The following SLIT1 variants were observed in gnomAD, a reference collection of about 807,000 sequenced individuals.
The protein encoded by SLIT1 is slit homolog 1 protein.
SLIT1 carries 66 observed loss-of-function variants against 186.1 expected under a neutral mutation model. The observed-to-expected ratio is 0.35, with a 90% CI of 0.29 to 0.44. The LOEUF (loss-of-function observed/expected upper bound fraction) is 0.44. Among genes scored for constraint, SLIT1 ranks in the 20% least tolerant of loss-of-function variants. The pLI is 1.00. For missense variants in SLIT1, 1,638 were observed against 2,037.4 expected, an observed-to-expected ratio of 0.80 and a Z score of 3.77; for synonymous variants, 761 against 833.8, an observed-to-expected ratio of 0.91 and a Z score of 1.50.
intron 28 of SLIT1, among the ~76,000 whole-genome samples, chr10:97,017,166 C>T (rs551174738): frequency 6.6e-5 from 10 of 152,332 alleles, no homozygotes; most frequent in African/African-American, 1.9e-4. Context: ...GTCCTTTCAG[C>T]CCCCAGCTGG....
chr10:97,138,504 G>A (rs1322399585), intron 4 of SLIT1, among the ~76,000 whole-genome samples: 3 of 152,240 alleles, frequency 2.0e-5, no homozygotes, highest in Admixed American at 6.5e-5. Flanking sequence ...CTCATGCCAT[G>A]TCCAGCTGGC....
intron 3 of SLIT1, among the ~76,000 whole-genome samples, chr10:97,162,358 C>T (rs1413286934): frequency 6.6e-6 from 1 of 152,130 alleles, no homozygotes; most frequent in Non-Finnish European, 1.5e-5. Flanking sequence ...GCCTGTAATC[C>T]TAGCACTTTA....
Position 97,048,938 on chromosome 10 carries a change from G to T in SLIT1, c.1465+17C>A. 1 of 1,602,334 alleles carries T rather than the reference G, an allele frequency of 6.2e-7. No individual in the cohort carries two copies. The highest frequency in any genetic ancestry group is 8.5e-7 in the Non-Finnish European group (1 of 1,179,440). On this transcript the variant is annotated intron_variant, in intron 14 of 36. Transcript: ENST00000266058. Reference sequence around the variant, plus strand: ...AGGTAGGTGGACAGGTGGGCAGGTGGGCAGGCGGGCAGGTACCTGAGCACC... The same window carrying T: ...AGGTAGGTGGACAGGTGGGCAGGTGTGCAGGCGGGCAGGTACCTGAGCACC...
In SLIT1 at chr10:97,064,015, G is replaced by C. The variant is rs193267899; in HGVS notation, c.629+153C>G. ...ACCGTATAACTCCTTCCGCCTCCGAGAGCATGAAGCCCCCAGCCTGGGCTG... is the reference window on the plus strand; with the variant it reads ...ACCGTATAACTCCTTCCGCCTCCGACAGCATGAAGCCCCCAGCCTGGGCTG... On this transcript the variant is annotated intron_variant, in intron 7 of 36. Coordinates refer to ENST00000266058, the MANE Select transcript of SLIT1 (RefSeq NM_003061.3). Among the ~76,000 whole-genome samples, 578 of 152,198 alleles carry C rather than the reference G, an allele frequency of 3.8e-3. 6 individuals carry two copies. The highest frequency in any genetic ancestry group is 0.013 in the African/African-American group (534 of 41,524).
At chr10:97,125,983 A>T (rs1178038950) in intron 4 of SLIT1, among the ~76,000 whole-genome samples, 4 of 152,190 alleles carry the variant, frequency 2.6e-5, no homozygotes, top group African/African-American at 9.7e-5. Context: ...TTCTGAAGAA[A>T]GAGAGAGAGA....
rs1564692765 is a variant in SLIT1 at position 97,166,573 on chromosome 10, A to AGAG, written c.198-1684_198-1683insCTC. Among the ~76,000 whole-genome samples the AGAG allele has an allele frequency of 6.6e-3, 297 of 44,990 alleles. 1 individual carries two copies. Among genetic ancestry groups the AGAG allele is most frequent in the Admixed American group, 0.011 (39 of 3,428 alleles). 29.5% of individuals were successfully genotyped at this position (44,990 alleles called of 152,430 possible). A position where few individuals can be genotyped will look rare whatever the true frequency, so the allele number is the denominator to read the frequency against. On this transcript the variant is annotated intron_variant, in intron 1 of 36. Transcript: ENST00000266058. ...AAGGAAGGAAAGAGAGAGAGAGAGA[A>AGAG]AGAAAGAAAGAAAGAAAGAAAGAAA...
chr10:97,016,352 T>G (rs772619139), intron 28 of SLIT1, among the ~76,000 whole-genome samples: 6 of 152,166 alleles, frequency 3.9e-5, no homozygotes, highest in Non-Finnish European at 8.8e-5. Flanking sequence ...TAGATTGCAT[T>G]GGAGAATGAT....
At chr10:97,156,456 T>C (rs1314035668) in intron 4 of SLIT1, among the ~76,000 whole-genome samples, 1 of 152,150 alleles carries the variant, frequency 6.6e-6, no homozygotes, top group African/African-American at 2.4e-5. Context: ...TGCATACCTG[T>C]AGTCCCAGCT....
At chr10:97,054,189 C>G (rs1342524939) in intron 13 of SLIT1, among the ~76,000 whole-genome samples, 1 of 151,474 alleles carries the variant, frequency 6.6e-6, no homozygotes, top group African/African-American at 2.4e-5. Context: ...TTGGTGCTGC[C>G]CTTGTGATAA....
At chr10:97,131,592 G>A (rs1849655024) in intron 4 of SLIT1, among the ~76,000 whole-genome samples, 1 of 152,214 alleles carries the variant, frequency 6.6e-6, no homozygotes, top group Admixed American at 6.5e-5. Context: ...ACCCTCTGGA[G>A]GCTGTGAGGT....
At position 97,163,383 on chromosome 10, in the gene SLIT1, C is replaced by A. The variant is rs779425985; in HGVS notation, c.338G>T (p.Arg113Leu). The A allele has an allele frequency of 6.2e-7, 1 of 1,613,912 alleles. No individual in the cohort carries two copies. The highest frequency in any genetic ancestry group is 1.3e-5 in the African/African-American group (1 of 74,926). ...CCTGCACCCTGCCAGGACTCACAGC[C>A]GCTCCAGCTCCTTCATGTCATCAAA... Reference protein sequence around the residue: ...GAFDDMKELERLRLNRNQLHM... With the variant: ...GAFDDMKELELLRLNRNQLHM... The change falls in exon 3 of 37, where the codon CGG becomes CTG. Residue 113 changes from arginine (R) to leucine (L), a missense_variant. Arg to Leu is a moderately radical substitution (Grantham distance 102). Transcript: ENST00000266058.
chr10:97,156,211 C>T (rs1361306911), intron 4 of SLIT1, among the ~76,000 whole-genome samples: 1 of 152,088 alleles, frequency 6.6e-6, no homozygotes, highest in African/African-American at 2.4e-5. Context: ...GGTCTCCAGG[C>T]CAGGAGGAGG....
At chr10:97,118,817 T>G (rs1849532284) in intron 4 of SLIT1, among the ~76,000 whole-genome samples, 1 of 152,236 alleles carries the variant, frequency 6.6e-6, no homozygotes, top group Non-Finnish European at 1.5e-5. Context: ...CTTATAGGAT[T>G]GCTGTGGGGA....
chr10:97,132,447 A>G (rs961280990), intron 4 of SLIT1, among the ~76,000 whole-genome samples: 6 of 152,144 alleles, frequency 3.9e-5, no homozygotes, highest in African/African-American at 1.2e-4. Flanking sequence ...CCACCTTCAG[A>G]ACTGCCCCCA....
At chr10:97,075,582 C>T (rs1458696859) in intron 4 of SLIT1, among the ~76,000 whole-genome samples, 2 of 152,304 alleles carry the variant, frequency 1.3e-5, no homozygotes, top group East Asian at 3.9e-4. Flanking sequence ...ACACACTCAG[C>T]GTGCCCACTG....
At chr10:97,159,596 G>A (rs926386970) in intron 3 of SLIT1, among the ~76,000 whole-genome samples, 2 of 152,126 alleles carry the variant, frequency 1.3e-5, no homozygotes, top group African/African-American at 4.8e-5. Context: ...AGTTTAAAAT[G>A]GAAAATTAAA....
intron 4 of SLIT1, among the ~76,000 whole-genome samples, chr10:97,098,942 GC>G (rs1849320971): frequency 6.6e-6 from 1 of 152,106 alleles, no homozygotes; most frequent in African/African-American, 2.4e-5. Flanking sequence ...AGGACACTCA[GC>G]CCCTCCTGTC....
intron 4 of SLIT1, among the ~76,000 whole-genome samples, chr10:97,088,373 G>C (rs1849190522): frequency 6.6e-6 from 1 of 152,138 alleles, no homozygotes; most frequent in Non-Finnish European, 1.5e-5. Context: ...ACTAGGTGTT[G>C]AGGATATTGG....
chr10:97,030,608 G>A (rs1848582386), intron 25 of SLIT1, 149 bp downstream of exon 25: 1 of 656,332 alleles, frequency 1.5e-6, no homozygotes, highest in African/African-American at 1.8e-5. Flanking sequence ...GGACATATAA[G>A]AGTCCCAGAA....
Sources: allele counts gnomAD v4.1 joint callset (sites outside exome capture counted in the v4.1 genomes callset), GRCh38; gene constraint gnomAD v4.1.1; transcripts MANE v1.5; gene names NCBI Gene and HGNC (gene_info 2026-07-23, HGNC 2026-07-21).